Variants in CRACR2A observed in about 807,000 individuals in gnomAD.
The protein encoded by CRACR2A is calcium release activated channel regulator 2A.
Under a neutral mutation model 90.5 loss-of-function variants are expected in CRACR2A, and 79 were observed. The observed-to-expected ratio is 0.87, with a 90% confidence interval of 0.73 to 1.05. The LOEUF (loss-of-function observed/expected upper bound fraction) is 1.05. Among genes scored for constraint, CRACR2A ranks in the 50% least tolerant of loss-of-function variants. The pLI, the probability that CRACR2A is intolerant of heterozygous loss-of-function variation, is 0.00. For synonymous variants in CRACR2A, 338 were observed against 356.7 expected (o/e 0.95, Z 0.59); for missense variants, 823 against 897.2 (o/e 0.92, Z 1.06).
intron 7 of CRACR2A, among the ~76,000 whole-genome samples, chr12:3,667,191 T>C (rs1475034810): frequency 6.6e-6 from 1 of 152,096 alleles, no homozygotes; most frequent in Non-Finnish European, 1.5e-5. Flanking sequence ...GTGAAGAAAA[T>C]GAGGGTCAAA....
rs562214121 is a variant in CRACR2A, at chr12:3,699,405, C to T, written c.-36-2370G>A. On this transcript the variant is annotated intron_variant, in intron 3 of 19. Transcript: ENST00000440314. ...ATAGTGAATAGGACATGGTCCCTGC[C>T]CTTAATGAATGAGTCTCTGAGAGTC... Among the ~76,000 whole-genome samples the T allele has an allele frequency of 4.2e-3, 640 of 152,228 alleles. 8 individuals are homozygous for T. The highest frequency in any genetic ancestry group is 0.015 in the African/African-American group (612 of 41,512).
chr12:3,713,037 C>T (rs1234069097), intron 3 of CRACR2A, among the ~76,000 whole-genome samples, 200 bp downstream of exon 3: 1 of 152,012 alleles, frequency 6.6e-6, no homozygotes, highest in African/African-American at 2.4e-5. Context: ...GTGGAATAGA[C>T]CCTCCATCAT....
intron 1 of CRACR2A, among the ~76,000 whole-genome samples, chr12:3,735,102 A>T (rs1008977813): frequency 6.6e-6 from 1 of 152,306 alleles, no homozygotes; most frequent in South Asian, 2.1e-4. Context: ...TTTGAATTCT[A>T]TGTTAACCAA....
intron 11 of CRACR2A, among the ~76,000 whole-genome samples, chr12:3,644,904 T>C (rs1328243379): frequency 3.3e-5 from 5 of 152,174 alleles, no homozygotes; most frequent in African/African-American, 9.7e-5. Context: ...TCTCTTATTA[T>C]TAGGGGCACT....
intron 1 of CRACR2A, among the ~76,000 whole-genome samples, chr12:3,739,607 A>T (rs1487913277): frequency 6.6e-6 from 1 of 152,210 alleles, no homozygotes; most frequent in African/African-American, 2.4e-5. Flanking sequence ...ATCAGGCCTA[A>T]GATATTTTGA....
At chr12:3,701,042 A>G (rs555432833) in intron 3 of CRACR2A, among the ~76,000 whole-genome samples, 1 of 152,186 alleles carries the variant, frequency 6.6e-6, no homozygotes, top group Non-Finnish European at 1.5e-5. Flanking sequence ...TTAGAAACCA[A>G]TAACAGAGAG....
At chr12:3,710,800 A>T (rs1474300571) in intron 3 of CRACR2A, among the ~76,000 whole-genome samples, 1 of 147,576 alleles carries the variant, frequency 6.8e-6, no homozygotes, top group Non-Finnish European at 1.5e-5. Flanking sequence ...GCAAAAAAAA[A>T]AAAAAGAAAG....
At chr12:3,715,145 A>G (rs1323922545) in intron 2 of CRACR2A, among the ~76,000 whole-genome samples, 3 of 152,248 alleles carry the variant, frequency 2.0e-5, no homozygotes, top group African/African-American at 7.2e-5. Context: ...CACTGGGTGC[A>G]TGGGATATGG....
At chr12:3,735,728 TG>T in intron 1 of CRACR2A, among the ~76,000 whole-genome samples, 1 of 152,282 alleles carries the variant, frequency 6.6e-6, no homozygotes, top group South Asian at 2.1e-4. Flanking sequence ...GCTACACTGG[TG>T]GTTCTCACAG....
chr12:3,715,296 TG>T (rs1946067384), intron 2 of CRACR2A, among the ~76,000 whole-genome samples: 1 of 152,246 alleles, frequency 6.6e-6, no homozygotes, highest in Non-Finnish European at 1.5e-5. Context: ...GGAGCTAATT[TG>T]GACGGTGGCA....
At position 3,720,561 on chromosome 12, in the gene CRACR2A, C is replaced by T. The variant is rs373378305; in HGVS notation, c.-117-7244G>A. ...CAGGTCTCGACGGGATCCTGATGCT[C>T]TAACGTTTTCTACTGTGTTAATCCC... On this transcript the variant is annotated intron_variant, in intron 2 of 19. Transcript: ENST00000440314. Among the ~76,000 whole-genome samples, 10 of 152,324 alleles carry T rather than the reference C, an allele frequency of 6.6e-5. No individual in the cohort carries two copies. In the East Asian group the frequency reaches 1.7e-3, roughly 26 times the overall value.
rs553711218 is a variant in CRACR2A, at chr12:3,684,522, G to A, written c.229-4173C>T. Among the ~76,000 whole-genome samples, 21 of 152,264 alleles carry A rather than the reference G, an allele frequency of 1.4e-4. No individual in the cohort carries two copies. In the East Asian group the frequency reaches 1.9e-3, roughly 14 times the overall value. On this transcript the variant is annotated intron_variant, in intron 4 of 19. Coordinates refer to ENST00000440314, the MANE Select transcript of CRACR2A (RefSeq NM_001144958.2). ...CATCCCTAGCCTTTGCCTGCTAAAC[G>A]CCAGCAGCACTTCCCTCACCAGTCG...
chr12:3,640,500 G>A (rs758891250), intron 13 of CRACR2A: 35 of 1,202,504 alleles, frequency 2.9e-5, no homozygotes, highest in Non-Finnish European at 3.1e-5. Context: ...TAGGTAATCA[G>A]TAAACGTCTG....
intron 11 of CRACR2A, 22 bp from the exon 12 acceptor site, chr12:3,644,662 C>G (rs1465479416): frequency 6.4e-7 from 1 of 1,551,340 alleles, no homozygotes; most frequent in East Asian, 2.4e-5. Context: ...AAAGGGGAAT[C>G]TATTCAAACA....
chr12:3,737,198 A>G (rs1430360906), intron 1 of CRACR2A, among the ~76,000 whole-genome samples: 5 of 152,082 alleles, frequency 3.3e-5, no homozygotes, highest in African/African-American at 1.2e-4. Flanking sequence ...CGGGGTGAAT[A>G]GGAGCAACCC....
At chr12:3,724,329 G>A (rs1178764226) in intron 2 of CRACR2A, among the ~76,000 whole-genome samples, 2 of 152,212 alleles carry the variant, frequency 1.3e-5, no homozygotes, top group Non-Finnish European at 2.9e-5. Flanking sequence ...GGCTCCTGCT[G>A]AGCCAGCCAG....
chr12:3,690,108 A>G (rs569359811), intron 4 of CRACR2A, among the ~76,000 whole-genome samples: 2 of 150,476 alleles, frequency 1.3e-5, no homozygotes, highest in South Asian at 2.1e-4. Context: ...AAAAGAAAAA[A>G]CCTCCTGGAT....
intron 19 of CRACR2A, 145 bp from the exon 20 acceptor site, chr12:3,615,584 G>A: frequency 1.6e-6 from 1 of 637,010 alleles, no homozygotes; most frequent in Non-Finnish European, 2.7e-6. Flanking sequence ...AGAGAGTCCT[G>A]AACATCCCCC....
At chr12:3,675,630 C>T (rs183105445) in intron 6 of CRACR2A, among the ~76,000 whole-genome samples, 6 of 152,246 alleles carry the variant, frequency 3.9e-5, no homozygotes, top group African/African-American at 9.6e-5. Context: ...CCTAAAATTA[C>T]GCCATTATTT....
Sources: allele counts gnomAD v4.1 joint callset (sites outside exome capture counted in the v4.1 genomes callset), GRCh38; gene constraint gnomAD v4.1.1; transcripts MANE v1.5; gene names NCBI Gene and HGNC (gene_info 2026-07-23, HGNC 2026-07-21).